Variants in FOXK1 observed in about 807,000 individuals in gnomAD.
The protein encoded by FOXK1 is forkhead box protein K1.
A neutral mutation model predicts 51.9 loss-of-function variants in FOXK1; 19 were observed. That is an observed-to-expected ratio of 0.37 (90% CI 0.26 to 0.54). The LOEUF (loss-of-function observed/expected upper bound fraction) is 0.54. FOXK1 is among the 20% of genes least tolerant of loss of function. The pLI, the probability that FOXK1 is intolerant of heterozygous loss-of-function variation, is 0.87. For missense variants in FOXK1, 870 were observed against 1,032.7 expected (o/e 0.84, Z 2.16); for synonymous variants, 537 against 482.6 (o/e 1.11, Z -1.48).
At chr7:4,689,134 C>T (rs1008796293) in intron 1 of FOXK1, among the ~76,000 whole-genome samples, 10 of 152,046 alleles carry the variant, frequency 6.6e-5, no homozygotes, top group African/African-American at 9.7e-5. Flanking sequence ...TCCACCACCA[C>T]GCCTGGCTAA....
At position 4,733,189 on chromosome 7, in the gene FOXK1, T is replaced by A. The variant is rs1780505164; in HGVS notation, c.561-7649T>A. Among the ~76,000 whole-genome samples the A allele has an allele frequency of 6.6e-6, 1 of 152,106 alleles. No homozygotes were observed. The highest frequency in any genetic ancestry group is 2.4e-5 in the African/African-American group (1 of 41,414). On this transcript the variant is annotated intron_variant, in intron 1 of 8. Coordinates refer to ENST00000328914, the MANE Select transcript of FOXK1 (RefSeq NM_001037165.2). This position sits in a 1 kb window ranked among gnomAD's most constrained non-coding sequence, Gnocchi z 5.0. ...TTTATACGTGACGGTCTTTTTTTTT[T>A]TAATTTTATTATTTTTTTATTTCAA...
chr7:4,759,749 G>A, intron 7 of FOXK1, 154 bp downstream of exon 7: 1 of 955,460 alleles, frequency 1.0e-6, no homozygotes, highest in Non-Finnish European at 1.5e-6. Flanking sequence ...AAATCAGCAT[G>A]AGCTGGGCAG....
In FOXK1 at chr7:4,703,067, G is replaced by A. The variant is rs548878095; in HGVS notation, c.560+20199G>A. On this transcript the variant is annotated intron_variant, in intron 1 of 8. Transcript: ENST00000328914. The surrounding 1 kb of genome is among the most constrained non-coding windows in gnomAD (Gnocchi z 5.6). The stretch of plus-strand genomic sequence containing the variant: ...GTCCGGTTGGGGACCGAGACCCCTG[G>A]TTGCTTGCACTGCTGGGTGAGAGTG... Among the ~76,000 whole-genome samples, 7 of 152,306 alleles carry A rather than the reference G, an allele frequency of 4.6e-5. No individual in the cohort carries two copies. The South Asian group carries it at 1.2e-3, about 27-fold the overall frequency.
At chr7:4,752,347 G>T (rs1780790457) in intron 2 of FOXK1, among the ~76,000 whole-genome samples, 2 of 152,188 alleles carry the variant, frequency 1.3e-5, no homozygotes, top group Admixed American at 1.3e-4. Flanking sequence ...GTGTCACTAT[G>T]TTGCCCAGGC....
chr7:4,698,725 TTG>T (rs1210227418), intron 1 of FOXK1, among the ~76,000 whole-genome samples: 1 of 152,030 alleles, frequency 6.6e-6, no homozygotes, highest in Non-Finnish European at 1.5e-5. Context: ...GCTAATTTTT[TTG>T]TGTGTTTCTA....
At chr7:4,704,320 G>A (rs996455626) in intron 1 of FOXK1, among the ~76,000 whole-genome samples, 1 of 151,636 alleles carries the variant, frequency 6.6e-6, no homozygotes, top group Non-Finnish European at 1.5e-5. Context: ...GCGTAGTGGG[G>A]CACGCCTGTA....
chr7:4,719,265 G>C (rs1780278517), intron 1 of FOXK1, among the ~76,000 whole-genome samples: 1 of 152,080 alleles, frequency 6.6e-6, no homozygotes, highest in Non-Finnish European at 1.5e-5. Flanking sequence ...CTCCCGAGTA[G>C]CTGGGACTAC....
At chr7:4,741,114 T>G in intron 2 of FOXK1, 91 bp downstream of exon 2, 2 of 954,800 alleles carry the variant, frequency 2.1e-6, no homozygotes, top group South Asian at 4.2e-5. Context: ...GTTCCAAATC[T>G]CTCTGGAAAG....
In FOXK1 at chr7:4,711,827, A is replaced by G. The variant is rs1386819922; in HGVS notation, c.560+28959A>G. ...GAGAAGCAACGCAAGGTCAGAGAGA[A>G]AAGATTGCGGCCGGCCGGTGTCAAG... is the stretch of plus-strand genomic sequence containing the variant. On this transcript the variant is annotated intron_variant, in intron 1 of 8. Transcript: ENST00000328914. The surrounding 1 kb of genome is among the most constrained non-coding windows in gnomAD (Gnocchi z 6.3). Among the ~76,000 whole-genome samples, 1 of 152,150 alleles carries G rather than the reference A, an allele frequency of 6.6e-6. No homozygotes were observed. Among genetic ancestry groups the G allele is most frequent in the Non-Finnish European group, 1.5e-5 (1 of 68,010 alleles).
rs141299398 is a variant in FOXK1 at position 4,765,263 on chromosome 7, T to G, written c.*2799T>G. ...ATGCCGGAACTTGTCTTGGAACCGG[T>G]AGCCAGAGGCCCAGGAAGGGACAGG... On this transcript the variant is annotated 3_prime_UTR_variant, in exon 9 of 9. Transcript: ENST00000328914. The G allele has an allele frequency of 1.3e-5, 2 of 152,254 alleles. No individual in the cohort carries two copies. Among genetic ancestry groups the G allele is most frequent in the Non-Finnish European group, 2.9e-5 (2 of 68,076 alleles). The allele number at this position is 152,254 out of a possible 1,614,324, so 9.4% of individuals were successfully genotyped here.
At chr7:4,696,173 A>G (rs28494525) in intron 1 of FOXK1, among the ~76,000 whole-genome samples, 79 of 151,398 alleles carry the variant, frequency 5.2e-4, no homozygotes, top group African/African-American at 1.9e-3. Context: ...ATACATTAGG[A>G]GGGGAGGCTT....
chr7:4,706,181 G>A (rs188628674), intron 1 of FOXK1, among the ~76,000 whole-genome samples: 5 of 151,860 alleles, frequency 3.3e-5, no homozygotes, highest in Admixed American at 6.6e-5. Context: ...TCATTTCAGC[G>A]CGTTTTCCTC....
rs909352639 is a variant in FOXK1 at position 4,734,346 on chromosome 7, G to A, written c.561-6492G>A. On this transcript the variant is annotated intron_variant, in intron 1 of 8. Coordinates refer to ENST00000328914, the MANE Select transcript of FOXK1 (RefSeq NM_001037165.2). The surrounding 1 kb of genome is among the most constrained non-coding windows in gnomAD (Gnocchi z 5.2). The stretch of plus-strand genomic sequence containing the variant: ...CACTTTAAACTGTGCAAGATTTCCC[G>A]TTTCCCCTGGCTGTGGCTCTTGTGG... Among the ~76,000 whole-genome samples the A allele has an allele frequency of 9.9e-5, 15 of 152,118 alleles. No individual in the cohort carries two copies. The highest frequency in any genetic ancestry group is 2.1e-4 in the Non-Finnish European group (14 of 68,026).
rs991715128 is a variant in FOXK1 at position 4,734,345 on chromosome 7, C to T, written c.561-6493C>T. On this transcript the variant is annotated intron_variant, in intron 1 of 8. Coordinates refer to ENST00000328914, the MANE Select transcript of FOXK1 (RefSeq NM_001037165.2). This position sits in a 1 kb window ranked among gnomAD's most constrained non-coding sequence, Gnocchi z 5.2. ...TCACTTTAAACTGTGCAAGATTTCC[C>T]GTTTCCCCTGGCTGTGGCTCTTGTG... 1.3e-5 allele frequency among the ~76,000 whole-genome samples: 2 copies of T among 152,196 alleles called. No homozygotes were observed. The highest frequency in any genetic ancestry group is 3.9e-4 in the East Asian group (2 of 5,182).
chr7:4,693,913 G>A (rs565739267), intron 1 of FOXK1, among the ~76,000 whole-genome samples: 34 of 151,988 alleles, frequency 2.2e-4, no homozygotes, highest in African/African-American at 7.7e-4. Flanking sequence ...AGAGACAAGG[G>A]GTTGTTGCCC....
intron 1 of FOXK1, among the ~76,000 whole-genome samples, chr7:4,736,949 C>G (rs909837894): frequency 1.3e-5 from 2 of 152,194 alleles, no homozygotes; most frequent in Non-Finnish European, 2.9e-5. Flanking sequence ...GCCTTTCCAC[C>G]CCACTGGAGT....
At chr7:4,720,392 C>A (rs572133597) in intron 1 of FOXK1, among the ~76,000 whole-genome samples, 1 of 152,274 alleles carries the variant, frequency 6.6e-6, no homozygotes, top group South Asian at 2.1e-4. Flanking sequence ...TGATTTTCAG[C>A]CTCTTTTTCT....
chr7:4,684,521 CAGG>C (rs1299535999), intron 1 of FOXK1, among the ~76,000 whole-genome samples: 1 of 152,184 alleles, frequency 6.6e-6, no homozygotes, highest in East Asian at 1.9e-4. Context: ...AATCAGAACT[CAGG>C]AGATAACAAA....
At chr7:4,699,963 AC>A (rs1780000944) in intron 1 of FOXK1, among the ~76,000 whole-genome samples, 2 of 152,166 alleles carry the variant, frequency 1.3e-5, no homozygotes, top group Admixed American at 6.5e-5. Context: ...CCTCCAAATA[AC>A]ATTGACCGAG....
Sources: allele counts gnomAD v4.1 joint callset (sites outside exome capture counted in the v4.1 genomes callset), GRCh38; gene constraint gnomAD v4.1.1; non-coding constraint Gnocchi (gnomAD v3.1); transcripts MANE v1.5; gene names NCBI Gene and HGNC (gene_info 2026-07-23, HGNC 2026-07-21).